Variants in ASIC2 observed in about 807,000 individuals in gnomAD.
ASIC2 encodes acid-sensing ion channel 2.
In ASIC2, 25 loss-of-function variants were observed where a neutral mutation model predicts 57.3. The ratio of observed to expected loss-of-function variants is 0.44; its 90% CI spans 0.32 to 0.61. ASIC2 has a LOEUF of 0.61. Among genes scored for constraint, ASIC2 ranks in the 20% least tolerant of loss-of-function variants. The pLI is 0.06. For synonymous variants in ASIC2, 319 were observed against 307.5 expected, an observed-to-expected ratio of 1.04 and a Z score of -0.39; for missense variants, 641 against 738.1, an observed-to-expected ratio of 0.87 and a Z score of 1.52.
intron 1 of ASIC2, among the ~76,000 whole-genome samples, chr17:33,911,171 G>GT (rs1915454551): frequency 1.3e-5 from 2 of 152,188 alleles, no homozygotes; most frequent in Non-Finnish European, 2.9e-5. Context: ...AAAGAATGAT[G>GT]TTTTTTCTTT....
chr17:34,087,448 C>A (rs1193841470), intron 1 of ASIC2, among the ~76,000 whole-genome samples: 2 of 152,112 alleles, frequency 1.3e-5, no homozygotes, highest in African/African-American at 4.8e-5. Context: ...GGTAACCCGA[C>A]CTTTCTCTCT....
intron 1 of ASIC2, among the ~76,000 whole-genome samples, chr17:33,312,278 C>A (rs1207633341): frequency 6.6e-6 from 1 of 152,176 alleles, no homozygotes; most frequent in African/African-American, 2.4e-5. Context: ...TAAATGGCAG[C>A]ATTCTAAACT....
intron 1 of ASIC2, among the ~76,000 whole-genome samples, chr17:33,385,745 G>A (rs1261821559): frequency 6.6e-6 from 1 of 152,224 alleles, no homozygotes; most frequent in African/African-American, 2.4e-5. Flanking sequence ...TGTCCAGTGT[G>A]AGGACAGATC....
At chr17:33,056,981 A>T (rs1567729055) in intron 3 of ASIC2, among the ~76,000 whole-genome samples, 1 of 152,156 alleles carries the variant, frequency 6.6e-6, no homozygotes, top group African/African-American at 2.4e-5. Context: ...CACAACATCA[A>T]CAGGCCCAGT....
intron 1 of ASIC2, among the ~76,000 whole-genome samples, chr17:33,517,954 T>A (rs1481526392): frequency 1.3e-5 from 2 of 152,162 alleles, no homozygotes; most frequent in African/African-American, 2.4e-5. Flanking sequence ...GAACCATGTG[T>A]TGGAGTGTAA....
intron 1 of ASIC2, among the ~76,000 whole-genome samples, chr17:33,957,028 G>A (rs71379433): frequency 3.2e-4 from 48 of 152,272 alleles, no homozygotes; most frequent in African/African-American, 1.1e-3. Flanking sequence ...AGAATAATGG[G>A]GATTTATTGT....
At chr17:33,883,855 A>C (rs1453221992) in intron 1 of ASIC2, among the ~76,000 whole-genome samples, 1 of 152,108 alleles carries the variant, frequency 6.6e-6, no homozygotes, top group Non-Finnish European at 1.5e-5. Flanking sequence ...ATTGTAGTCA[A>C]TGCACTGTGC....
chr17:33,744,053 G>T (rs1388384120), intron 1 of ASIC2, among the ~76,000 whole-genome samples: 1 of 152,178 alleles, frequency 6.6e-6, no homozygotes, highest in African/African-American at 2.4e-5. Flanking sequence ...GAGAGAGACT[G>T]CCAAAGCTCC....
chr17:33,835,031 C>T (rs1446074480), intron 1 of ASIC2, among the ~76,000 whole-genome samples: 1 of 152,238 alleles, frequency 6.6e-6, no homozygotes, highest in Non-Finnish European at 1.5e-5. Flanking sequence ...ATGCCTAGCA[C>T]TGTGGGTGTA....
intron 1 of ASIC2, among the ~76,000 whole-genome samples, chr17:34,154,209 G>C (rs1190955938): frequency 6.6e-6 from 1 of 152,222 alleles, no homozygotes; most frequent in Non-Finnish European, 1.5e-5. Flanking sequence ...GTGAAGCCGA[G>C]CGTTGCCAGG....
chr17:33,664,973 G>A (rs1316091845), intron 1 of ASIC2, among the ~76,000 whole-genome samples: 1 of 152,052 alleles, frequency 6.6e-6, no homozygotes, highest in Non-Finnish European at 1.5e-5. Flanking sequence ...AGCTGCAATT[G>A]TTAAAGTGAC....
At chr17:33,202,230 G>A (rs1244798712) in intron 1 of ASIC2, among the ~76,000 whole-genome samples, 3 of 152,096 alleles carry the variant, frequency 2.0e-5, no homozygotes, top group African/African-American at 7.2e-5. Flanking sequence ...GCTCCACAGC[G>A]AGCAGCGAGT....
intron 1 of ASIC2, among the ~76,000 whole-genome samples, chr17:33,928,324 G>A (rs1277192167): frequency 6.6e-6 from 1 of 152,190 alleles, no homozygotes; most frequent in Non-Finnish European, 1.5e-5. Flanking sequence ...GTACGGCAGG[G>A]ACTCTGCAGC....
Position 33,127,859 on chromosome 17 carries a change from G to A in ASIC2, c.709-15792C>T, listed in dbSNP as rs1597591830. 3.9e-5 allele frequency among the ~76,000 whole-genome samples: 6 copies of A among 152,266 alleles called. 1 individual carries two copies. The highest frequency in any genetic ancestry group is 3.9e-4 in the Admixed American group (6 of 15,290). ...AGCAAACGCCCCTGCTTAAACCTCT[G>A]CAAGGCTGCAAACTTCTTGGTTTTG... On this transcript the variant is annotated intron_variant, in intron 1 of 9. Transcript: ENST00000225823.
At position 33,543,151 on chromosome 17, in the gene ASIC2, G is replaced by A. The variant is rs1597776424; in HGVS notation, c.556-431084C>T. Among the ~76,000 whole-genome samples the A allele has an allele frequency of 3.4e-5, 4 of 118,590 alleles. No individual in the cohort carries two copies. The South Asian group carries it at 1.2e-3, about 36-fold the overall frequency. 77.8% of individuals were successfully genotyped at this position (118,590 alleles called of 152,430 possible). A position where few individuals can be genotyped will look rare whatever the true frequency, so the allele number is the denominator to read the frequency against. Reference sequence around the variant, plus strand: ...GGGACTGTGGTGGGGTGGGGGGAGGGGGGAGGGATAGCATTGGGAGATATA... The same window carrying A: ...GGGACTGTGGTGGGGTGGGGGGAGGAGGGAGGGATAGCATTGGGAGATATA... On this transcript the variant is annotated intron_variant, in intron 1 of 9. Coordinates refer to the ASIC2 transcript ENST00000359872.
At chr17:33,708,654 A>G (rs1908933468) in intron 1 of ASIC2, among the ~76,000 whole-genome samples, 1 of 152,118 alleles carries the variant, frequency 6.6e-6, no homozygotes, top group African/African-American at 2.4e-5. Flanking sequence ...TCTCTGCTCC[A>G]TGTCCAGTAG....
intron 1 of ASIC2, among the ~76,000 whole-genome samples, chr17:33,932,372 G>A (rs1259009706): frequency 2.0e-5 from 3 of 152,034 alleles, no homozygotes; most frequent in African/African-American, 4.8e-5. Flanking sequence ...GATTGCATGT[G>A]GAAATGATAA....
At position 33,445,016 on chromosome 17, in the gene ASIC2, A is replaced by G. The variant is rs138439376; in HGVS notation, c.556-332949T>C. Reference sequence around the variant, plus strand: ...AGTTGTGACAGACACTGTTTGACCTATAAGGTCTAAAGTATTTACTAACTG... The same window carrying G: ...AGTTGTGACAGACACTGTTTGACCTGTAAGGTCTAAAGTATTTACTAACTG... On this transcript the variant is annotated intron_variant, in intron 1 of 9. Coordinates refer to the ASIC2 transcript ENST00000359872. 5.1e-3 allele frequency among the ~76,000 whole-genome samples: 780 copies of G among 152,348 alleles called. 7 individuals are homozygous for G. The highest frequency in any genetic ancestry group is 0.015 in the African/African-American group (633 of 41,576).
At chr17:33,477,458 G>A (rs777863816) in intron 1 of ASIC2, among the ~76,000 whole-genome samples, 2 of 152,156 alleles carry the variant, frequency 1.3e-5, no homozygotes, top group Non-Finnish European at 2.9e-5. Flanking sequence ...CTTCCTCTCT[G>A]GGCCTCACTG....
Sources: gnomAD v4.1 joint callset for allele counts (sites outside exome capture counted in the v4.1 genomes callset) on GRCh38, gnomAD v4.1.1 for gene constraint, MANE v1.5 for transcripts, NCBI Gene and HGNC (gene_info 2026-07-23, HGNC 2026-07-21) for gene names.